PDPK1: variants seen among roughly 807,000 people sequenced by gnomAD.
PDPK1 encodes the protein 3-phosphoinositide-dependent protein kinase 1.
PDPK1 carries 7 observed loss-of-function variants against 39.8 expected under a neutral mutation model. That is an observed-to-expected ratio of 0.18 (90% CI 0.10 to 0.33). The LOEUF (loss-of-function observed/expected upper bound fraction) is 0.33, where lower values mean the gene tolerates loss of function less well. PDPK1 is among the 10% of genes least tolerant of loss of function. PDPK1 has a pLI of 1.00. For synonymous variants in PDPK1, 118 were observed against 159.1 expected, an observed-to-expected ratio of 0.74 and a Z score of 1.95; for missense variants, 182 against 384.7, an observed-to-expected ratio of 0.47 and a Z score of 4.41.
intron 1 of PDPK1, among the ~76,000 whole-genome samples, chr16:2,552,527 G>C (rs1004670325): frequency 6.7e-6 from 1 of 149,316 alleles, no homozygotes; most frequent in African/African-American, 2.5e-5. Flanking sequence ...GTAGCAACAG[G>C]ACCAGCACCT....
At chr16:2,560,042 AG>A (rs2066575799) in intron 2 of PDPK1, among the ~76,000 whole-genome samples, 2 of 150,232 alleles carry the variant, frequency 1.3e-5, no homozygotes, top group Admixed American at 1.3e-4. Flanking sequence ...AGGCTGGGCA[AG>A]AGCCAGCTGC....
chr16:2,539,909 C>T (rs531732736), intron 1 of PDPK1, among the ~76,000 whole-genome samples: 2 of 152,330 alleles, frequency 1.3e-5, no homozygotes, highest in Admixed American at 6.5e-5. Flanking sequence ...TTCATATCTG[C>T]AGTTTTCTTC....
intron 1 of PDPK1, chr16:2,539,329 C>G (rs2066200451): frequency 6.5e-6 from 1 of 153,096 alleles, no homozygotes; most frequent in African/African-American, 2.4e-5. Context: ...ATCTGCCCGC[C>G]TCGTCCTCCC....
intron 7 of PDPK1, among the ~76,000 whole-genome samples, chr16:2,577,722 GT>G (rs1295469074): frequency 2.7e-5 from 4 of 149,478 alleles, no homozygotes; most frequent in Non-Finnish European, 5.9e-5. Flanking sequence ...AGATTGAATC[GT>G]TTGGGTTTTT....
chr16:2,577,921 T>G (rs1349664028), intron 7 of PDPK1, among the ~76,000 whole-genome samples: 1 of 148,060 alleles, frequency 6.8e-6, no homozygotes, highest in Non-Finnish European at 1.5e-5. Context: ...GTATTTTTGG[T>G]AGAGACGGGG....
In PDPK1 at chr16:2,586,723, C is replaced by G. The variant is rs758602254; in HGVS notation, c.1173C>G (p.Ser391=). The part of the protein sequence containing the change: ...SQFGCMQVSS[S]SSSHSLSASD... ...TTGGCTGCATGCAGGTGTCTTCGTCCTCCTCCTCACACTCCCTGTCAGCCT... is the reference window on the plus strand; with the variant it reads ...TTGGCTGCATGCAGGTGTCTTCGTCGTCCTCCTCACACTCCCTGTCAGCCT... Residue 391 remains serine, a synonymous_variant, in exon 11 of 14, where the codon TCC becomes TCG. Transcript: ENST00000342085. The G allele has an allele frequency of 2.5e-6, 4 of 1,614,242 alleles. No individual in the cohort carries two copies. The highest frequency in any genetic ancestry group is 1.7e-5 in the Admixed American group (1 of 60,026).
intron 1 of PDPK1, among the ~76,000 whole-genome samples, chr16:2,545,441 C>T (rs560121171): frequency 6.6e-6 from 1 of 152,054 alleles, no homozygotes; most frequent in South Asian, 2.1e-4. Flanking sequence ...TCAAGCCATC[C>T]TCCAGCCTTA....
At chr16:2,551,910 C>A (rs538553593) in intron 1 of PDPK1, among the ~76,000 whole-genome samples, 1 of 151,504 alleles carries the variant, frequency 6.6e-6, no homozygotes, top group Admixed American at 6.7e-5. Flanking sequence ...AGATGATGCG[C>A]CTGCCTCGGC....
chr16:2,587,174 G>A (rs1253115644), intron 11 of PDPK1, among the ~76,000 whole-genome samples: 10 of 152,228 alleles, frequency 6.6e-5, no homozygotes, highest in Non-Finnish European at 8.8e-5. Context: ...GACGCGGCCT[G>A]GACCTGGCCA....
chr16:2,539,949 C>T (rs145672960), intron 1 of PDPK1, among the ~76,000 whole-genome samples: 6,964 of 152,094 alleles, frequency 0.046, 396 homozygotes, highest in African/African-American at 0.16. Context: ...CACAAAAACA[C>T]TGGAATCCAG....
intron 11 of PDPK1, among the ~76,000 whole-genome samples, chr16:2,588,666 C>A (rs1030631394): frequency 6.6e-6 from 1 of 152,160 alleles, no homozygotes; most frequent in Non-Finnish European, 1.5e-5. Context: ...CCACTTCCTT[C>A]AGATTTTAGG....
At chr16:2,591,404 T>C (rs2066987606) in intron 11 of PDPK1, among the ~76,000 whole-genome samples, 1 of 152,076 alleles carries the variant, frequency 6.6e-6, no homozygotes. Context: ...AGATTGATGG[T>C]TTTTAGTGTC....
intron 1 of PDPK1, among the ~76,000 whole-genome samples, chr16:2,543,166 C>T (rs1378689672): frequency 5.2e-4 from 7 of 13,590 alleles, no homozygotes; most frequent in Non-Finnish European, 1.1e-3. Context: ...GAAAGGGGCC[C>T]GCACTCACTT....
chr16:2,540,735 G>C (rs1010208853), intron 1 of PDPK1, among the ~76,000 whole-genome samples: 3 of 152,218 alleles, frequency 2.0e-5, no homozygotes, highest in Admixed American at 6.5e-5. Context: ...AGCTGTTTGG[G>C]AAGAGGCTGT....
Position 2,602,558 on chromosome 16 carries a change from G to A in PDPK1, c.*4791G>A, listed in dbSNP as rs1322262330. On this transcript the variant is annotated 3_prime_UTR_variant, in exon 14 of 14. Coordinates refer to ENST00000342085, the MANE Select transcript of PDPK1 (RefSeq NM_002613.5). ...CCTAACCACCTGGCAGAATGACTAC[G>A]AATAGGGGTCATTGTGCTGGTAAAA... is the stretch of plus-strand genomic sequence containing the variant. The A allele has an allele frequency of 2.1e-5, 5 of 234,788 alleles. No individual in the cohort carries two copies. Among genetic ancestry groups the A allele is most frequent in the African/African-American group, 6.6e-5 (3 of 45,352 alleles). 14.5% of individuals were successfully genotyped at this position (234,788 alleles called of 1,614,324 possible).
Position 2,551,565 on chromosome 16 carries a change from A to G in PDPK1, c.25-6138A>G, listed in dbSNP as rs748839507. On this transcript the variant is annotated intron_variant, in intron 1 of 13. Transcript: ENST00000342085. The stretch of plus-strand genomic sequence containing the variant: ...AGAGCACACACTGCCATTTAAAGGT[A>G]GCTTAGCTTTCTGTTCGGGATCCTT... Among the ~76,000 whole-genome samples, 3 of 150,794 alleles carry G rather than the reference A, an allele frequency of 2.0e-5. 1 individual carries two copies. The Admixed American group carries it at 2.0e-4, about 10-fold the overall frequency.
intron 11 of PDPK1, chr16:2,592,877 C>T (rs769561882): frequency 3.3e-5 from 15 of 456,468 alleles, no homozygotes; most frequent in Middle Eastern, 6.5e-4. Flanking sequence ...GGGATGCTGG[C>T]GCGGGGGTGG....
At chr16:2,577,895 C>T (rs1482094895) in intron 7 of PDPK1, among the ~76,000 whole-genome samples, 7 of 148,878 alleles carry the variant, frequency 4.7e-5, no homozygotes, top group South Asian at 4.2e-4. Flanking sequence ...CACGCCACCA[C>T]GTCCAGCTGA....
chr16:2,595,973 T>C, intron 12 of PDPK1, 123 bp downstream of exon 12: 1 of 784,098 alleles, frequency 1.3e-6, no homozygotes. Flanking sequence ...AGACATCATC[T>C]CTAGATTTCA....
Sources: allele counts gnomAD v4.1 joint callset (sites outside exome capture counted in the v4.1 genomes callset), GRCh38; gene constraint gnomAD v4.1.1; transcripts MANE v1.5; gene names NCBI Gene and HGNC (gene_info 2026-07-23, HGNC 2026-07-21).